ATP10A: variants seen among roughly 807,000 people sequenced by gnomAD.
ATP10A encodes phospholipid-transporting ATPase VA.
A neutral mutation model predicts 147.8 loss-of-function variants in ATP10A; 111 were observed. The observed-to-expected ratio is 0.75, with a 90% confidence interval of 0.64 to 0.88. The LOEUF is 0.88. Ranked by LOEUF, ATP10A falls within the 40% of genes least tolerant of loss-of-function variation. The pLI is 0.00. For synonymous variants in ATP10A, 875 were observed against 841.6 expected (o/e 1.04, Z -0.69); for missense variants, 1,927 against 1,959.0 (o/e 0.98, Z 0.31).
chr15:25,692,864 G>C (rs1272149659), intron 14 of ATP10A, among the ~76,000 whole-genome samples: 2 of 152,068 alleles, frequency 1.3e-5, no homozygotes, highest in East Asian at 3.9e-4. Context: ...GCAGTGGCAT[G>C]ATCATGGCTC....
chr15:25,780,186 G>A (rs1247048700), intron 2 of ATP10A, among the ~76,000 whole-genome samples: 1 of 152,254 alleles, frequency 6.6e-6, no homozygotes, highest in East Asian at 1.9e-4. Context: ...AGGCCGATGG[G>A]GGAGGGCACT....
intron 14 of ATP10A, among the ~76,000 whole-genome samples, chr15:25,693,124 T>G (rs1385078789): frequency 6.6e-6 from 1 of 152,048 alleles, no homozygotes; most frequent in Non-Finnish European, 1.5e-5. Context: ...TGGGCTCAGG[T>G]GAGCCTCCCA....
At chr15:25,845,322 TTGTG>T (rs746244130) in intron 1 of ATP10A, among the ~76,000 whole-genome samples, 1,479 of 141,688 alleles carry the variant, frequency 0.01, 17 homozygotes, top group African/African-American at 0.029. Flanking sequence ...GTTTGTGTGT[TTGTG>T]TGTGTGTGTG....
rs960580954 is a variant in ATP10A at position 25,708,289 on chromosome 15, C to G, written c.2356G>C (p.Gly786Arg). 1.2e-6 allele frequency: 2 copies of G among 1,613,912 alleles called. No homozygotes were observed. Among genetic ancestry groups the G allele is most frequent in the African/African-American group, 1.3e-5 (1 of 74,918 alleles). ...LQPCSSVDAR[G>R]RHQKKIRSKT... The stretch of plus-strand genomic sequence containing the variant: ...CTCCGAATCTTTTTTTGATGCCTCC[C>G]TCTGGCGTCAACTAGGTTGGAGAAT... The change falls in exon 11 of 21, where the codon GGG (glycine) becomes CGG (arginine). Residue 786 changes from glycine to arginine, a missense_variant. Gly to Arg is a moderately radical substitution (Grantham distance 125). Transcript: ENST00000555815.
chr15:25,782,018 C>T (rs935814658), intron 1 of ATP10A, among the ~76,000 whole-genome samples: 3 of 152,210 alleles, frequency 2.0e-5, no homozygotes, highest in Admixed American at 2.0e-4. Flanking sequence ...ATGTTCACAG[C>T]AGCATCACTC....
At chr15:25,722,379 C>A (rs928276267) in intron 6 of ATP10A, among the ~76,000 whole-genome samples, 1 of 152,216 alleles carries the variant, frequency 6.6e-6, no homozygotes, top group Admixed American at 6.5e-5. Flanking sequence ...ACACAACAGA[C>A]AGTCTTTTTT....
In ATP10A at chr15:25,861,053, C is replaced by T. The variant is rs369825594; in HGVS notation, c.449+1595G>A. Among the ~76,000 whole-genome samples the T allele has an allele frequency of 2.6e-5, 4 of 152,274 alleles. No homozygotes were observed. In the South Asian group the frequency reaches 8.3e-4, roughly 32 times the overall value. On this transcript the variant is annotated intron_variant, in intron 1 of 20. Transcript: ENST00000555815. ...AAGGGGTGCCGCTCTTGTCCCTGCT[C>T]AGGCTTCTGGTGAACAGGGGCCAGG...
At chr15:25,690,555 G>A (rs936463229) in intron 15 of ATP10A, among the ~76,000 whole-genome samples, 4 of 152,004 alleles carry the variant, frequency 2.6e-5, no homozygotes, top group Admixed American at 6.6e-5. Flanking sequence ...TAATTTTTTC[G>A]ATATTTCTAG....
intron 16 of ATP10A, 32 bp downstream of exon 16, chr15:25,687,671 C>A: frequency 7.0e-7 from 1 of 1,430,728 alleles, no homozygotes; most frequent in South Asian, 1.6e-5. Flanking sequence ...ACCTTCCAAT[C>A]CCAAAACTCT....
At chr15:25,836,632 G>C (rs1272317146) in intron 1 of ATP10A, among the ~76,000 whole-genome samples, 3 of 152,190 alleles carry the variant, frequency 2.0e-5, no homozygotes, top group Non-Finnish European at 4.4e-5. Context: ...CAGCCTCCCT[G>C]TTCCCTCAGG....
Position 25,687,567 on chromosome 15 carries a change from T to C in ATP10A, c.3291+136A>G. On this transcript the variant is annotated intron_variant, in intron 16 of 20. Coordinates refer to ENST00000555815, the MANE Select transcript of ATP10A (RefSeq NM_024490.4). ...AGAGCCAGCCCAGGACAGGGGACAATTACACAGGCGAAGGAGGATGGAGCA... is the reference window on the plus strand; with the variant it reads ...AGAGCCAGCCCAGGACAGGGGACAACTACACAGGCGAAGGAGGATGGAGCA... 2 of 678,472 alleles carry C rather than the reference T, an allele frequency of 2.9e-6. 1 individual carries two copies. Among genetic ancestry groups the C allele is most frequent in the South Asian group, 7.2e-5 (2 of 27,704 alleles). 42.0% of individuals were successfully genotyped at this position (678,472 alleles called of 1,614,324 possible). A position where few individuals can be genotyped will look rare whatever the true frequency, so the allele number is the denominator to read the frequency against.
chr15:25,699,062 A>G (rs1436463603), intron 13 of ATP10A, among the ~76,000 whole-genome samples: 1 of 152,256 alleles, frequency 6.6e-6, no homozygotes, highest in East Asian at 1.9e-4. Context: ...TAAAAGCTCC[A>G]GCAGGAATTT....
chr15:25,862,562 C>T, intron 1 of ATP10A, 86 bp downstream of exon 1: 2 of 1,374,176 alleles, frequency 1.5e-6, no homozygotes, highest in Non-Finnish European at 1.9e-6. Flanking sequence ...CACCCAGCCC[C>T]TGCCAATCAC....
At chr15:25,851,063 C>T (rs975282767) in intron 1 of ATP10A, among the ~76,000 whole-genome samples, 3 of 151,570 alleles carry the variant, frequency 2.0e-5, no homozygotes, top group African/African-American at 7.3e-5. Context: ...TCGGGGACTC[C>T]GCCGAACTTG....
chr15:25,782,487 T>C (rs751773285), intron 1 of ATP10A, among the ~76,000 whole-genome samples: 2 of 152,192 alleles, frequency 1.3e-5, no homozygotes, highest in Non-Finnish European at 2.9e-5. Flanking sequence ...TGTTTCATCG[T>C]AATAAAAAAT....
chr15:25,772,553 C>G (rs1328945365), intron 2 of ATP10A, among the ~76,000 whole-genome samples: 2 of 152,202 alleles, frequency 1.3e-5, no homozygotes, highest in Non-Finnish European at 2.9e-5. Flanking sequence ...ATGAGCAAAC[C>G]AGCTATTTGA....
chr15:25,678,987 C>T lies in ATP10A; in HGVS notation c.*354G>A, dbSNP rs1899211371. The T allele has an allele frequency of 6.5e-6, 1 of 153,120 alleles. No individual in the cohort carries two copies. Among genetic ancestry groups the T allele is most frequent in the Non-Finnish European group, 1.5e-5 (1 of 68,432 alleles). 9.5% of individuals were successfully genotyped at this position (153,120 alleles called of 1,614,324 possible). On this transcript the variant is annotated 3_prime_UTR_variant, in exon 21 of 21. Coordinates refer to ENST00000555815, the MANE Select transcript of ATP10A (RefSeq NM_024490.4). ...ATTGTTCCCCCATGTTCACACCTGC[C>T]TGCATTAACCATGAGCAGTCACACA... is the stretch of plus-strand genomic sequence containing the variant.
chr15:25,673,181 G>A (rs1899075018), downstream of ATP10A, among the ~76,000 whole-genome samples: 1 of 152,148 alleles, frequency 6.6e-6, no homozygotes. Flanking sequence ...CAACGTGGAG[G>A]GTGGGTTTTA....
chr15:25,684,978 C>A (rs1364242413), intron 16 of ATP10A, among the ~76,000 whole-genome samples: 1 of 152,186 alleles, frequency 6.6e-6, no homozygotes, highest in African/African-American at 2.4e-5. Context: ...GGTTTTTATT[C>A]ATTGACTTTC....
Sources: allele counts gnomAD v4.1 joint callset (sites outside exome capture counted in the v4.1 genomes callset), GRCh38; gene constraint gnomAD v4.1.1; transcripts MANE v1.5; gene names NCBI Gene and HGNC (gene_info 2026-07-23, HGNC 2026-07-21).